Variants in CDK14 observed in about 807,000 individuals in gnomAD.
CDK14 encodes cyclin-dependent kinase 14.
A neutral mutation model predicts 60.7 loss-of-function variants in CDK14; 34 were observed. That is an observed-to-expected ratio of 0.56 (90% CI 0.43 to 0.75). CDK14 has a LOEUF of 0.75. CDK14 is among the 30% of genes least tolerant of loss of function. The pLI, the probability that CDK14 is intolerant of heterozygous loss-of-function variation, is 0.00. For missense variants in CDK14, 482 were observed against 564.1 expected, an observed-to-expected ratio of 0.85 and a Z score of 1.47; for synonymous variants, 197 against 203.7, an observed-to-expected ratio of 0.97 and a Z score of 0.28.
At chr7:90,884,703 A>T (rs1210715652) in intron 6 of CDK14, among the ~76,000 whole-genome samples, 1 of 152,206 alleles carries the variant, frequency 6.6e-6, no homozygotes, top group South Asian at 2.1e-4. Context: ...GGCTACAGTG[A>T]TCAAAACAGC....
At chr7:90,959,547 G>A (rs1252294771) in intron 9 of CDK14, among the ~76,000 whole-genome samples, 3 of 152,150 alleles carry the variant, frequency 2.0e-5, no homozygotes, top group Admixed American at 6.6e-5. Flanking sequence ...GAGAATAGCA[G>A]GGAGGCAGGT....
At chr7:91,174,154 C>A (rs1439291389) in intron 14 of CDK14, among the ~76,000 whole-genome samples, 1 of 152,016 alleles carries the variant, frequency 6.6e-6, no homozygotes, top group Non-Finnish European at 1.5e-5. Context: ...TGACCCCTGA[C>A]CCCTGAGCAG....
At chr7:91,173,862 C>T (rs963298937) in intron 14 of CDK14, among the ~76,000 whole-genome samples, 28 of 152,298 alleles carry the variant, frequency 1.8e-4, no homozygotes, top group Middle Eastern at 3.4e-3. Flanking sequence ...AACTGCAAGG[C>T]GGCAGCGAGG....
intron 6 of CDK14, among the ~76,000 whole-genome samples, chr7:90,869,534 T>A (rs1420141604): frequency 6.6e-6 from 1 of 152,204 alleles, no homozygotes; most frequent in Admixed American, 6.5e-5. Context: ...CCAAAGGGTG[T>A]TGAGCAGAGA....
chr7:90,756,722 C>T (rs2116843450), intron 4 of CDK14, among the ~76,000 whole-genome samples: 1 of 152,282 alleles, frequency 6.6e-6, no homozygotes, highest in East Asian at 1.9e-4. Context: ...AAATAGCCAA[C>T]TAATTGTTGG....
At chr7:90,834,462 A>AGAT (rs1427216126) in intron 5 of CDK14, among the ~76,000 whole-genome samples, 1 of 152,188 alleles carries the variant, frequency 6.6e-6, no homozygotes, top group Non-Finnish European at 1.5e-5. Context: ...TGTGTATGAA[A>AGAT]GATGAGATTT....
intron 8 of CDK14, among the ~76,000 whole-genome samples, chr7:90,943,890 G>A (rs1375479854): frequency 6.6e-6 from 1 of 152,162 alleles, no homozygotes; most frequent in Non-Finnish European, 1.5e-5. Flanking sequence ...GGTCCCTAGT[G>A]TGGCAGTGTT....
chr7:90,951,522 G>A (rs190880408), intron 8 of CDK14, among the ~76,000 whole-genome samples: 1 of 152,240 alleles, frequency 6.6e-6, no homozygotes, highest in Non-Finnish European at 1.5e-5. Context: ...TTTAGTCAAA[G>A]CAAAGGAATG....
chr7:90,612,145 C>T, intron 2 of CDK14, among the ~76,000 whole-genome samples: 1 of 152,124 alleles, frequency 6.6e-6, no homozygotes, highest in East Asian at 1.9e-4. Flanking sequence ...AAACAGTTAT[C>T]TTTTATTTTC....
At chr7:91,154,287 T>A (rs2115704423) in intron 14 of CDK14, among the ~76,000 whole-genome samples, 1 of 151,922 alleles carries the variant, frequency 6.6e-6, no homozygotes, top group South Asian at 2.1e-4. Context: ...CTGCTTGGTG[T>A]ATTTTCCTTA....
intron 4 of CDK14, among the ~76,000 whole-genome samples, chr7:90,755,108 A>G (rs933895755): frequency 1.3e-5 from 2 of 152,214 alleles, no homozygotes; most frequent in African/African-American, 4.8e-5. Context: ...CAGTCTCATT[A>G]CTGGGTATAT....
intron 10 of CDK14, 129 bp from the exon 11 acceptor site, chr7:91,045,768 T>C (rs779182348): frequency 4.1e-4 from 245 of 593,524 alleles, no homozygotes; most frequent in Non-Finnish European, 6.8e-4. Flanking sequence ...ATAAAATCTC[T>C]GGCATACGAT....
intron 5 of CDK14, among the ~76,000 whole-genome samples, chr7:90,791,869 G>T (rs1347872778): frequency 6.7e-6 from 1 of 150,234 alleles, no homozygotes; most frequent in Non-Finnish European, 1.5e-5. Context: ...CCTTTTCTCT[G>T]AGTTAGGGGG....
intron 10 of CDK14, among the ~76,000 whole-genome samples, chr7:90,988,997 T>TGTGA (rs796107472): frequency 1.6e-5 from 1 of 61,772 alleles, no homozygotes; most frequent in Non-Finnish European, 3.4e-5. Flanking sequence ...TGTGTTTGTG[T>TGTGA]GTGAGTGTGT....
chr7:90,709,940 G>A (rs888459583), intron 2 of CDK14: 83 of 1,126,968 alleles, frequency 7.4e-5, no homozygotes, highest in Non-Finnish European at 8.8e-5. Flanking sequence ...CAAGCCTGAG[G>A]GAGACAACAG....
At chr7:90,927,033 T>C (rs1362804792) in intron 8 of CDK14, among the ~76,000 whole-genome samples, 2 of 152,128 alleles carry the variant, frequency 1.3e-5, no homozygotes, top group Non-Finnish European at 2.9e-5. Context: ...TTCCAGGCAT[T>C]CTCCAGGGGC....
chr7:90,646,875 A>G (rs10273940), intron 2 of CDK14, among the ~76,000 whole-genome samples: 47,138 of 152,000 alleles, frequency 0.31, 8,259 homozygotes, highest in East Asian at 0.67. Context: ...TTTTGTTAAC[A>G]ACTAAATATT....
In CDK14 at chr7:90,965,429, C is replaced by T. The variant is rs116657904; in HGVS notation, c.947+9612C>T. ...TTCTGGAAATGACTAACTACAACTT[C>T]TTTGGGGAAGCTTCTCTCCCATAGC... On this transcript the variant is annotated intron_variant, in intron 9 of 14. Coordinates refer to ENST00000380050, the MANE Select transcript of CDK14 (RefSeq NM_001287135.2). Among the ~76,000 whole-genome samples, 5 of 152,292 alleles carry T rather than the reference C, an allele frequency of 3.3e-5. No homozygotes were observed. In the South Asian group the frequency reaches 1.0e-3, roughly 32 times the overall value.
chr7:90,921,831 T>G (rs1793261752), intron 8 of CDK14, among the ~76,000 whole-genome samples: 1 of 152,192 alleles, frequency 6.6e-6, no homozygotes, highest in Non-Finnish European at 1.5e-5. Context: ...AATTTTACCT[T>G]CCTAATGTTG....
Sources: allele counts gnomAD v4.1 joint callset (sites outside exome capture counted in the v4.1 genomes callset), GRCh38; gene constraint gnomAD v4.1.1; transcripts MANE v1.5; gene names NCBI Gene and HGNC (gene_info 2026-07-23, HGNC 2026-07-21).